Variants in CELF4 observed in about 807,000 individuals in gnomAD.
CELF4 encodes CUGBP Elav-like family member 4.
In CELF4, 18 loss-of-function variants were observed where a neutral mutation model predicts 59.9. That is an observed-to-expected ratio of 0.30 (90% CI 0.21 to 0.45). The LOEUF (loss-of-function observed/expected upper bound fraction) is 0.45. Ranked by LOEUF, CELF4 falls within the 20% of genes least tolerant of loss-of-function variation. The pLI, the probability that CELF4 is intolerant of heterozygous loss-of-function variation, is 1.00. For synonymous variants in CELF4, 261 were observed against 267.1 expected, an observed-to-expected ratio of 0.98 and a Z score of 0.22; for missense variants, 456 against 689.0, an observed-to-expected ratio of 0.66 and a Z score of 3.79.
chr18:37,382,554 C>T (rs2099052273), intron 2 of CELF4, among the ~76,000 whole-genome samples: 1 of 152,194 alleles, frequency 6.6e-6, no homozygotes, highest in Non-Finnish European at 1.5e-5. Context: ...TTACCCCTTT[C>T]ACCAGGCAAA....
At chr18:37,521,044 G>A (rs2154604650) in intron 1 of CELF4, among the ~76,000 whole-genome samples, 2 of 151,844 alleles carry the variant, frequency 1.3e-5, no homozygotes, top group South Asian at 4.2e-4. Context: ...AGACAGCCTA[G>A]GGGATGGGAT....
In CELF4 at chr18:37,254,792, C is replaced by T. The variant is rs868693541; in HGVS notation, c.1334-854G>A. ...CTCCCAGGCCCAACCGCGCAGGTCC[C>T]AGATGGGCACAGGTCATGTTCCCAA... On this transcript the variant is annotated intron_variant, in intron 11 of 12. Coordinates refer to ENST00000420428, the MANE Select transcript of CELF4 (RefSeq NM_020180.4). The surrounding 1 kb of genome is among the most constrained non-coding windows in gnomAD (Gnocchi z 5.1). Among the ~76,000 whole-genome samples the T allele has an allele frequency of 8.5e-5, 13 of 152,236 alleles. No individual in the cohort carries two copies. Among genetic ancestry groups the T allele is most frequent in the African/African-American group, 3.1e-4 (13 of 41,476 alleles).
chr18:37,424,343 A>G (rs1323171833), intron 2 of CELF4, among the ~76,000 whole-genome samples: 1 of 152,128 alleles, frequency 6.6e-6, no homozygotes, highest in Non-Finnish European at 1.5e-5. Flanking sequence ...AGGGCAGTCT[A>G]GAAGGGATGA....
intron 2 of CELF4, among the ~76,000 whole-genome samples, chr18:37,364,501 C>A (rs1020063441): frequency 9.2e-5 from 14 of 152,178 alleles, no homozygotes; most frequent in African/African-American, 3.4e-4. Context: ...AGCACTGGGG[C>A]TCCAGGCTCC....
intron 3 of CELF4, among the ~76,000 whole-genome samples, chr18:37,298,163 G>A (rs1376450560): frequency 6.6e-6 from 1 of 152,202 alleles, no homozygotes; most frequent in African/African-American, 2.4e-5. Flanking sequence ...AAGGAGTGAT[G>A]GCTGAGCCTT....
At chr18:37,339,606 TA>T (rs1569566584) in intron 2 of CELF4, among the ~76,000 whole-genome samples, 2 of 151,892 alleles carry the variant, frequency 1.3e-5, no homozygotes, top group Non-Finnish European at 2.9e-5. Flanking sequence ...ATACAAAACA[TA>T]ACCAGGTGTG....
At position 37,243,114 on chromosome 18, in the gene CELF4, G is replaced by GT. The variant is rs2060795697; in HGVS notation, c.*2127dup. ...CAATAGTTACAGAAGGTTACAAGGA[G>GT]TTTTAGGGAGTTGAGTGTGAAAAGA... On this transcript the variant is annotated 3_prime_UTR_variant, in exon 13 of 13. Transcript: ENST00000420428. The GT allele has an allele frequency of 1.3e-5, 2 of 148,664 alleles. No individual in the cohort carries two copies. The highest frequency in any genetic ancestry group is 2.5e-5 in the African/African-American group (1 of 40,052). 9.2% of individuals were successfully genotyped at this position (148,664 alleles called of 1,614,324 possible). A position where few individuals can be genotyped will look rare whatever the true frequency, so the allele number is the denominator to read the frequency against.
intron 12 of CELF4, among the ~76,000 whole-genome samples, chr18:37,251,560 C>T (rs2065485814): frequency 6.6e-6 from 1 of 152,210 alleles, no homozygotes; most frequent in African/African-American, 2.4e-5. Context: ...CCCCCAAATC[C>T]TCTAGTTGAC....
chr18:37,468,287 A>AT (rs2099813560), intron 2 of CELF4, among the ~76,000 whole-genome samples: 1 of 152,228 alleles, frequency 6.6e-6, no homozygotes, highest in South Asian at 2.1e-4. Context: ...AGCAAAGTGC[A>AT]TTTCTGGAGT....
At chr18:37,385,505 C>T (rs921396666) in intron 2 of CELF4, among the ~76,000 whole-genome samples, 1 of 152,156 alleles carries the variant, frequency 6.6e-6, no homozygotes, top group Non-Finnish European at 1.5e-5. Flanking sequence ...CTTGTCCATG[C>T]CACCTGGTTA....
Position 37,320,196 on chromosome 18 carries a change from T to TTG in CELF4, c.448+1606_448+1607insCA, listed in dbSNP as rs2097051758. On this transcript the variant is annotated intron_variant, in intron 3 of 12. Coordinates refer to ENST00000420428, the MANE Select transcript of CELF4 (RefSeq NM_020180.4). ...ACTAAAAATACAAAAATTAGCTGGG[T>TTG]GTGGCGGCATGCGCCTGTAGTCCCA... Among the ~76,000 whole-genome samples, 3 of 152,042 alleles carry TTG rather than the reference T, an allele frequency of 2.0e-5. No homozygotes were observed. The East Asian group carries it at 5.8e-4, about 30-fold the overall frequency.
intron 11 of CELF4, 52 bp downstream of exon 11, chr18:37,259,129 T>A: frequency 6.2e-7 from 1 of 1,612,902 alleles, no homozygotes; most frequent in East Asian, 2.2e-5. Context: ...ACCAAAGCAT[T>A]TACTTTGGTT....
At chr18:37,335,263 G>A (rs1242597654) in intron 2 of CELF4, among the ~76,000 whole-genome samples, 1 of 152,100 alleles carries the variant, frequency 6.6e-6, no homozygotes, top group Non-Finnish European at 1.5e-5. Flanking sequence ...AGGGTCTCCA[G>A]GTCACGGGCA....
At chr18:37,318,010 C>G (rs2154514587) in intron 3 of CELF4, among the ~76,000 whole-genome samples, 2 of 152,328 alleles carry the variant, frequency 1.3e-5, no homozygotes, top group South Asian at 4.1e-4. Flanking sequence ...TTCCTCCTGC[C>G]CCCTGGCCAA....
intron 1 of CELF4, among the ~76,000 whole-genome samples, chr18:37,556,160 G>C (rs2099984727): frequency 6.6e-6 from 1 of 152,162 alleles, no homozygotes; most frequent in African/African-American, 2.4e-5. Flanking sequence ...ATATTATTAG[G>C]TTGATGCCTC....
At chr18:37,312,110 C>CAAAAAAAAAAAA (rs59872500) in intron 3 of CELF4, among the ~76,000 whole-genome samples, 2 of 50,778 alleles carry the variant, frequency 3.9e-5, no homozygotes, top group Non-Finnish European at 8.0e-5. Context: ...GATTCCGTCT[C>CAAAAAAAAAAAA]AAAAAAAAAA....
intron 2 of CELF4, 51 bp from the exon 3 acceptor site, chr18:37,321,932 G>A (rs2097137792): frequency 1.4e-6 from 2 of 1,473,940 alleles, no homozygotes; most frequent in Admixed American, 1.7e-5. Context: ...CGGGTGAGGG[G>A]ACAGACACCC....
chr18:37,274,025 G>GA, intron 6 of CELF4: 1 of 1,262,242 alleles, frequency 7.9e-7, no homozygotes, highest in Non-Finnish European at 1.0e-6. Context: ...TGGCTGAGAG[G>GA]AAAAGGCTCA....
In CELF4 at chr18:37,274,357, T is replaced by C; in HGVS notation, c.755A>G (p.Asn252Ser). The change falls in exon 6 of 13, where the codon AAC (asparagine) becomes AGC (serine). Residue 252 changes from asparagine to serine, a missense_variant. Asn to Ser is a conservative substitution (Grantham distance 46). Coordinates refer to ENST00000420428, the MANE Select transcript of CELF4 (RefSeq NM_020180.4). ...GGCCCCGAAAGGGATGGCCATGGGG[T>C]TGAACATGCCCATCTGGCCAGCCAT... ...QQMAGQMGMF[N>S]PMAIPFGAYG... 1 of 1,613,410 alleles carries C rather than the reference T, an allele frequency of 6.2e-7. No homozygotes were observed. The highest frequency in any genetic ancestry group is 8.5e-7 in the Non-Finnish European group (1 of 1,179,930).
Sources: allele counts gnomAD v4.1 joint callset (sites outside exome capture counted in the v4.1 genomes callset), GRCh38; gene constraint gnomAD v4.1.1; non-coding constraint Gnocchi (gnomAD v3.1); transcripts MANE v1.5; gene names NCBI Gene and HGNC (gene_info 2026-07-23, HGNC 2026-07-21).